The following FKBP5 variants were observed in gnomAD, a reference collection of about 807,000 sequenced individuals.
The protein encoded by FKBP5 is peptidyl-prolyl cis-trans isomerase FKBP5.
FKBP5 carries 23 observed loss-of-function variants against 50.5 expected under a neutral mutation model. That is an observed-to-expected ratio of 0.46 (90% CI 0.33 to 0.65). FKBP5 has a LOEUF of 0.65. Among genes scored for constraint, FKBP5 ranks in the 30% least tolerant of loss-of-function variants. The pLI is 0.02. For missense variants in FKBP5, 411 were observed against 553.1 expected, an observed-to-expected ratio of 0.74 and a Z score of 2.58; for synonymous variants, 176 against 190.6, an observed-to-expected ratio of 0.92 and a Z score of 0.63.
At chr6:35,675,040 AG>A (rs1269415936) in intron 1 of FKBP5, among the ~76,000 whole-genome samples, 1 of 152,246 alleles carries the variant, frequency 6.6e-6, no homozygotes, top group African/African-American at 2.4e-5. Flanking sequence ...AAACTACACT[AG>A]TATTTAATAT....
At chr6:35,709,260 T>C (rs773243031) in intron 2 of FKBP5, among the ~76,000 whole-genome samples, 7 of 152,210 alleles carry the variant, frequency 4.6e-5, no homozygotes, top group African/African-American at 9.6e-5. Flanking sequence ...GTGAGACTTA[T>C]TCACTATTAT....
intron 1 of FKBP5, among the ~76,000 whole-genome samples, chr6:35,658,028 A>C (rs1765000296): frequency 6.6e-6 from 1 of 150,860 alleles, no homozygotes; most frequent in Non-Finnish European, 1.5e-5. Flanking sequence ...CAGGAGTTTG[A>C]GACCAGCCTG....
chr6:35,655,956 C>T (rs927404361), intron 1 of FKBP5, among the ~76,000 whole-genome samples: 6 of 152,110 alleles, frequency 3.9e-5, no homozygotes, highest in African/African-American at 9.7e-5. Flanking sequence ...TATGGACAGT[C>T]AAGAACAAAG....
intron 6 of FKBP5, among the ~76,000 whole-genome samples, chr6:35,596,284 G>A (rs540256085): frequency 1.5e-4 from 23 of 152,180 alleles, no homozygotes; most frequent in Non-Finnish European, 5.9e-5. Context: ...GAACCCAGAG[G>A]TAGAGGTTGC....
intron 6 of FKBP5, among the ~76,000 whole-genome samples, chr6:35,593,883 T>C (rs1350712129): frequency 6.6e-6 from 1 of 151,802 alleles, no homozygotes; most frequent in Non-Finnish European, 1.5e-5. Flanking sequence ...TTGGGGTTCA[T>C]GCGTGACAGA....
chr6:35,620,324 A>T, intron 3 of FKBP5, 50 bp from the exon 4 acceptor site: 1 of 1,571,010 alleles, frequency 6.4e-7, no homozygotes, highest in Non-Finnish European at 8.6e-7. Flanking sequence ...ATTTAAAAAG[A>T]TTTAACTTTC....
chr6:35,583,881 G>C (rs1762520454), intron 8 of FKBP5: 1 of 985,232 alleles, frequency 1.0e-6, no homozygotes, highest in African/African-American at 1.7e-5. Context: ...TGGTATCTTG[G>C]AACAGCAAGG....
At chr6:35,720,701 A>T (rs1766597193) in intron 1 of FKBP5, among the ~76,000 whole-genome samples, 1 of 152,102 alleles carries the variant, frequency 6.6e-6, no homozygotes. Context: ...GAGGCCTCAC[A>T]TTGTTGGTCT....
At chr6:35,608,481 G>T (rs972601119) in intron 5 of FKBP5, among the ~76,000 whole-genome samples, 2 of 152,138 alleles carry the variant, frequency 1.3e-5, no homozygotes, top group Admixed American at 1.3e-4. Context: ...GATCGCTTAT[G>T]CCCTGGAGTT....
chr6:35,585,532 T>G (rs1001081775), intron 8 of FKBP5: 2 of 985,178 alleles, frequency 2.0e-6, no homozygotes, highest in Non-Finnish European at 2.4e-6. Flanking sequence ...GACTAAATCA[T>G]TTGAAGAGCA....
chr6:35,597,843 T>A (rs1218938100), intron 5 of FKBP5, among the ~76,000 whole-genome samples: 2 of 152,212 alleles, frequency 1.3e-5, no homozygotes, highest in Non-Finnish European at 2.9e-5. Flanking sequence ...AAATGGCTAT[T>A]TCTCCAATGA....
intron 2 of FKBP5, among the ~76,000 whole-genome samples, chr6:35,642,423 T>C (rs1028452994): frequency 3.0e-4 from 46 of 152,138 alleles, no homozygotes; most frequent in African/African-American, 1.1e-3. Flanking sequence ...CATAATGAGA[T>C]GCCCTCTCTC....
At chr6:35,719,104 G>C (rs1415493893) in intron 2 of FKBP5, among the ~76,000 whole-genome samples, 1 of 152,188 alleles carries the variant, frequency 6.6e-6, no homozygotes. Context: ...TCCCAACCCT[G>C]AGGGGTTGGG....
intron 8 of FKBP5, 66 bp downstream of exon 8, chr6:35,586,968 A>C (rs1762620240): frequency 3.1e-6 from 5 of 1,611,494 alleles, no homozygotes; most frequent in Non-Finnish European, 4.2e-6. Flanking sequence ...AGGGAATATC[A>C]GCACAATTCA....
chr6:35,639,536 C>T (rs149373855), intron 2 of FKBP5, among the ~76,000 whole-genome samples: 227 of 152,190 alleles, frequency 1.5e-3, no homozygotes, highest in African/African-American at 5.2e-3. Flanking sequence ...AAGGGTAAGT[C>T]GTAAACAGAG....
At chr6:35,585,841 GA>G in intron 8 of FKBP5, 4 of 985,318 alleles carry the variant, frequency 4.1e-6, no homozygotes, top group Non-Finnish European at 4.8e-6. Context: ...CTCAAATTCT[GA>G]AAACACATGG....
chr6:35,641,846 A>G (rs1398163228), intron 2 of FKBP5, among the ~76,000 whole-genome samples: 2 of 152,030 alleles, frequency 1.3e-5, no homozygotes. Context: ...CTCTACAAAA[A>G]TTAGCGAGGC....
intron 1 of FKBP5, among the ~76,000 whole-genome samples, chr6:35,650,099 C>T (rs961804875): frequency 2.0e-5 from 3 of 152,048 alleles, no homozygotes; most frequent in Admixed American, 1.3e-4. Flanking sequence ...TGGCTCACAC[C>T]TGTAATCCCA....
At position 35,578,287 on chromosome 6, in the gene FKBP5, G is replaced by A. The variant is rs538816417; in HGVS notation, c.1027-1054C>T. ...TGCAGCCTCTATCTCCTGGGCTCAG[G>A]CAATCCTCTCGCCTCAGCCTCCGAA... On this transcript the variant is annotated intron_variant, in intron 9 of 10. Coordinates refer to ENST00000357266, the MANE Select transcript of FKBP5 (RefSeq NM_004117.4). Among the ~76,000 whole-genome samples the A allele has an allele frequency of 1.1e-4, 16 of 152,202 alleles. No individual in the cohort carries two copies. In the South Asian group the frequency reaches 1.2e-3, roughly 12 times the overall value.
Sources: gnomAD v4.1 joint callset for allele counts (sites outside exome capture counted in the v4.1 genomes callset) on GRCh38, gnomAD v4.1.1 for gene constraint, MANE v1.5 for transcripts, NCBI Gene and HGNC (gene_info 2026-07-23, HGNC 2026-07-21) for gene names.